TRMT2A: variants seen among roughly 807,000 people sequenced by gnomAD.
TRMT2A encodes the protein tRNA methyltransferase 2A.
TRMT2A carries 60 observed loss-of-function variants against 59.3 expected under a neutral mutation model. The observed-to-expected ratio is 1.01, with a 90% CI of 0.82 to 1.26. TRMT2A has a LOEUF of 1.26. TRMT2A is among the 50% of genes most tolerant of loss of function. TRMT2A has a pLI of 0.00. For missense variants in TRMT2A, 863 were observed against 845.2 expected, an observed-to-expected ratio of 1.02 and a Z score of -0.26; for synonymous variants, 403 against 353.7, an observed-to-expected ratio of 1.14 and a Z score of -1.56.
chr22:20,113,393 G>GCGCCCCGGCC, intron 9 of TRMT2A, 39 bp downstream of exon 9: 1 of 1,556,264 alleles, frequency 6.4e-7, no homozygotes, highest in Non-Finnish European at 8.8e-7. Flanking sequence ...GGTGGCGGCT[G>GCGCCCCGGCC]CCCCCATCCC....
rs887496600 is a variant in TRMT2A at position 20,117,084 on chromosome 22, G to A, written c.-178C>T. ...CACCCCCGGCTTCGCCCCAGGCGGG[G>A]CGGGACTCGAACCTGCGATGCTCAG... is the stretch of plus-strand genomic sequence containing the variant. On this transcript the variant is annotated 5_prime_UTR_variant, in exon 1 of 12. Coordinates refer to ENST00000252136, the MANE Select transcript of TRMT2A (RefSeq NM_022727.6). 1.2e-6 allele frequency: 1 copy of A among 821,430 alleles called. No homozygotes were observed. The highest frequency in any genetic ancestry group is 1.9e-6 in the Non-Finnish European group (1 of 525,676). 50.9% of individuals were successfully genotyped at this position (821,430 alleles called of 1,614,324 possible).
rs75086907 is a variant in TRMT2A, at chr22:20,113,003, G to C, written c.1554C>G (p.Ser518=). Residue 518 remains serine, a synonymous_variant, in exon 11 of 12, where the codon TCC becomes TCG. Coordinates refer to ENST00000252136, the MANE Select transcript of TRMT2A (RefSeq NM_022727.6). ...CTCTCCGGATGGCCAGGATCACCTT[G>C]GAATCTGAGGAGGCAAACACCAGCT... The part of the protein sequence containing the change: ...ILDPPRAGLH[S]KVILAIRRAK... 1.0e-4 allele frequency: 164 copies of C among 1,613,736 alleles called. No homozygotes were observed. In the African/African-American group the frequency reaches 2.1e-3, roughly 20 times the overall value.
intron 9 of TRMT2A, 32 bp downstream of exon 9, chr22:20,113,400 T>TGGCCCC: frequency 5.4e-5 from 57 of 1,049,356 alleles, no homozygotes; most frequent in Non-Finnish European, 7.6e-5. Flanking sequence ...GCTGCCCCCA[T>TGGCCCC]CCCCACCCCC....
chr22:20,115,261 C>G lies in TRMT2A; in HGVS notation c.890+5G>C, dbSNP rs1487750286. 2 of 1,609,730 alleles carry G rather than the reference C, an allele frequency of 1.2e-6. No homozygotes were observed. The highest frequency in any genetic ancestry group is 2.2e-5 in the South Asian group (2 of 90,924). On this transcript the variant is annotated splice_donor_5th_base_variant and intron_variant, in intron 4 of 11. Transcript: ENST00000252136. ...CTTCCCGGGAGCCCCGTCACAGGTC[C>G]TCACCGGATGAACTCCTGGAAGGCC...
chr22:20,114,535 C>T (rs1365761798), intron 7 of TRMT2A, 39 bp downstream of exon 7: 2 of 1,555,772 alleles, frequency 1.3e-6, no homozygotes, highest in Admixed American at 3.3e-5. Flanking sequence ...TCAGGCCTCC[C>T]TCAACATGTC....
Position 20,117,140 on chromosome 22 carries a change from C to CCGCCCGCCAGGGGCCCG in TRMT2A, c.-251_-235dup. ...GGTCTCAGGCTTGGGGCTGTACCGC[C>CCGCCCGCCAGGGGCCCG]CGCCCGCCAGGGGCCCGCGCCGGCC... is the stretch of plus-strand genomic sequence containing the variant. On this transcript the variant is annotated 5_prime_UTR_variant, in exon 1 of 12. Coordinates refer to ENST00000252136, the MANE Select transcript of TRMT2A (RefSeq NM_022727.6). The CCGCCCGCCAGGGGCCCG allele has an allele frequency of 1.7e-6, 1 of 575,672 alleles. No individual in the cohort carries two copies. The highest frequency in any genetic ancestry group is 2.9e-6 in the Non-Finnish European group (1 of 349,092). The allele number at this position is 575,672 out of a possible 1,614,324, so 35.7% of individuals were successfully genotyped here.
chr22:20,114,703 G>C lies in TRMT2A; in HGVS notation c.1122-18C>G, dbSNP rs1429711543. The C allele has an allele frequency of 1.9e-6, 3 of 1,612,570 alleles. No individual in the cohort carries two copies. The highest frequency in any genetic ancestry group is 2.5e-6 in the Non-Finnish European group (3 of 1,179,772). Reference sequence around the variant, plus strand: ...GAGTCTTTCTGTGGGCGAAGGTGCAGGTCCTTCAGTGTCACAGTCCCTGCA... The same window carrying C: ...GAGTCTTTCTGTGGGCGAAGGTGCACGTCCTTCAGTGTCACAGTCCCTGCA... On this transcript the variant is annotated intron_variant, in intron 6 of 11. Coordinates refer to ENST00000252136, the MANE Select transcript of TRMT2A (RefSeq NM_022727.6).
At chr22:20,113,404 C>CCCCCCCCCCCCCCGCCGG in intron 9 of TRMT2A, 28 bp downstream of exon 9, 1 of 1,511,270 alleles carries the variant, frequency 6.6e-7, no homozygotes, top group Non-Finnish European at 9.1e-7. Context: ...CCCCCATCCC[C>CCCCCCCCCCCCCCGCCGG]ACCCCCACCC....
chr22:20,115,788 A>ACTT lies in TRMT2A; in HGVS notation c.600-9_600-8insAAG. Reference sequence around the variant, plus strand: ...TTGGTGCTCCCGATTTCCCTGTAAGAGGAGCAGATCGGTGGTTGGACTCCA... The same window carrying ACTT: ...TTGGTGCTCCCGATTTCCCTGTAAGACTTGGAGCAGATCGGTGGTTGGACTCCA... On this transcript the variant is annotated splice_polypyrimidine_tract_variant and intron_variant, in intron 2 of 11. Coordinates refer to ENST00000252136, the MANE Select transcript of TRMT2A (RefSeq NM_022727.6). 1 of 1,603,018 alleles carries ACTT rather than the reference A, an allele frequency of 6.2e-7. No individual in the cohort carries two copies. Among genetic ancestry groups the ACTT allele is most frequent in the East Asian group, 2.2e-5 (1 of 44,518 alleles).
intron 7 of TRMT2A, 109 bp from the exon 8 acceptor site, chr22:20,113,917 C>G: frequency 7.2e-7 from 1 of 1,380,090 alleles, no homozygotes; most frequent in Non-Finnish European, 9.5e-7. Flanking sequence ...CTCCGGCGCC[C>G]ACTCCCCACC....
intron 7 of TRMT2A, 130 bp from the exon 8 acceptor site, chr22:20,113,938 A>G (rs1324161749): frequency 6.5e-5 from 84 of 1,285,902 alleles, no homozygotes; most frequent in Non-Finnish European, 8.3e-5. Flanking sequence ...TTGGTGCCCA[A>G]CGTCTTCCCT....
At chr22:20,113,540 A>G in intron 8 of TRMT2A, 33 bp from the exon 9 acceptor site, 2 of 1,612,250 alleles carry the variant, frequency 1.2e-6, no homozygotes, top group Middle Eastern at 3.3e-4. Flanking sequence ...CGCCCCACCC[A>G]GGGAGGGGAG....
In TRMT2A at chr22:20,112,903, ACACT is replaced by A. The variant is rs750660183; in HGVS notation, c.1646+4_1646+7del. 6.8e-6 allele frequency: 11 copies of A among 1,613,434 alleles called. No homozygotes were observed. Among genetic ancestry groups the A allele is most frequent in the Middle Eastern group, 1.6e-4 (1 of 6,072 alleles). On this transcript the variant is annotated splice_donor_5th_base_variant and intron_variant, in intron 11 of 11. Transcript: ENST00000252136. ...CTAGCCCCCACCCAGGCCCCTGCAG[ACACT>A]CACTCCACAAAGTTGCCCATGGCTG...
chr22:20,115,247 C>T lies in TRMT2A; in HGVS notation c.890+19G>A. Reference sequence around the variant, plus strand: ...CACACCGCATAGGACTTCCCGGGAGCCCCGTCACAGGTCCTCACCGGATGA... The same window carrying T: ...CACACCGCATAGGACTTCCCGGGAGTCCCGTCACAGGTCCTCACCGGATGA... On this transcript the variant is annotated intron_variant, in intron 4 of 11. Transcript: ENST00000252136. The T allele has an allele frequency of 6.2e-7, 1 of 1,602,736 alleles. No homozygotes were observed. The highest frequency in any genetic ancestry group is 8.5e-7 in the Non-Finnish European group (1 of 1,172,208).
chr22:20,116,448 G>A lies in TRMT2A; in HGVS notation c.189C>T (p.Ile63=), dbSNP rs759305194. Residue 63 remains isoleucine (I), a synonymous_variant, in exon 2 of 12, where the codon ATC becomes ATT. Transcript: ENST00000252136. ...TCTCAGAGGTAAACAAGTCATCCCT[G>A]ATGTAGCTGTAGAGCCCGGGCTGAG... The part of the protein sequence containing the change: ...PGPQPGLYSY[I]RDDLFTSEIF... 19 of 1,612,856 alleles carry A rather than the reference G, an allele frequency of 1.2e-5. No individual in the cohort carries two copies. The South Asian group carries it at 2.1e-4, about 18-fold the overall frequency.
rs371651358 is a variant in TRMT2A, at chr22:20,112,618, G to A, written c.1823C>T (p.Thr608Ile). 16 of 1,614,034 alleles carry A rather than the reference G, an allele frequency of 9.9e-6. No homozygotes were observed. The African/African-American group carries it at 1.5e-4, about 15-fold the overall frequency. ...TAGGGTGTTATCTGGGGGTCCTGGT[G>A]TGGGTTGAGCTGGAGGGCTGTGGGG... ...LGPHSPPAQP[T>I]PGPPDNTLQE... The change falls in exon 12 of 12, where the codon ACA becomes ATA. Residue 608 changes from threonine to isoleucine, a missense_variant. Physicochemically the swap from Thr to Ile is moderately conservative, Grantham distance 89. Transcript: ENST00000252136.
chr22:20,113,555 T>C (rs976227011), intron 8 of TRMT2A, 48 bp from the exon 9 acceptor site: 12 of 1,611,478 alleles, frequency 7.4e-6, no homozygotes, highest in Non-Finnish European at 1.0e-5. Flanking sequence ...GGGGAGTACA[T>C]GGGGCCCTGT....
At chr22:20,114,224 G>A (rs1239231644) in intron 7 of TRMT2A, among the ~76,000 whole-genome samples, 10 of 152,160 alleles carry the variant, frequency 6.6e-5, no homozygotes, top group Admixed American at 6.5e-4. Context: ...GGCCGCTCCA[G>A]GTCCCCACAG....
chr22:20,113,171 C>T lies in TRMT2A; in HGVS notation c.1496G>A (p.Arg499Lys). The change falls in exon 10 of 12, where the codon AGA becomes AAA. Residue 499 changes from arginine to lysine, a missense_variant. Transcript: ENST00000252136. ...AEDLVPTLVS[R>K]LASQHLVAIL... ...GGCCACGAGGTGCTGGGAGGCCAGT[C>T]TGCTCACCAGGGTGGGCACCAGGTC... The T allele has an allele frequency of 2.5e-6, 4 of 1,597,500 alleles. No homozygotes were observed. Among genetic ancestry groups the T allele is most frequent in the Non-Finnish European group, 3.4e-6 (4 of 1,170,956 alleles).
Sources: allele counts gnomAD v4.1 joint callset (sites outside exome capture counted in the v4.1 genomes callset), GRCh38; gene constraint gnomAD v4.1.1; transcripts MANE v1.5; gene names NCBI Gene and HGNC (gene_info 2026-07-23, HGNC 2026-07-21).